Variants in TMEM182 observed in about 807,000 individuals in gnomAD.
The protein encoded by TMEM182 is transmembrane protein 182.
TMEM182 carries 20 observed loss-of-function variants against 26.8 expected under a neutral mutation model. The observed-to-expected ratio is 0.75, with a 90% confidence interval of 0.53 to 1.09. The LOEUF (loss-of-function observed/expected upper bound fraction) is 1.09. TMEM182 is among the 50% of genes least tolerant of loss of function. The pLI is 0.00. For missense variants in TMEM182, 277 were observed against 275.5 expected, an observed-to-expected ratio of 1.01 and a Z score of -0.04; for synonymous variants, 109 against 102.2, an observed-to-expected ratio of 1.07 and a Z score of -0.40.
chr2:102,738,950 A>G (rs1441340873), intron 1 of TMEM182, among the ~76,000 whole-genome samples: 1 of 152,226 alleles, frequency 6.6e-6, no homozygotes, highest in Non-Finnish European at 1.5e-5. Flanking sequence ...ATGACTTGCA[A>G]GCCTAATACT....
At chr2:102,793,848 A>G (rs1472808704) in intron 3 of TMEM182, among the ~76,000 whole-genome samples, 1 of 152,190 alleles carries the variant, frequency 6.6e-6, no homozygotes, top group Admixed American at 6.5e-5. Context: ...GAAAGAATAC[A>G]TGTTCCTATT....
chr2:102,752,067 C>G (rs1010597429), intron 1 of TMEM182, among the ~76,000 whole-genome samples: 35 of 152,104 alleles, frequency 2.3e-4, no homozygotes, highest in African/African-American at 8.4e-4. Context: ...CAAATACAGC[C>G]CCACGGGGAT....
intron 3 of TMEM182, among the ~76,000 whole-genome samples, chr2:102,782,315 A>G (rs1466902748): frequency 1.3e-5 from 2 of 152,062 alleles, no homozygotes; most frequent in Non-Finnish European, 2.9e-5. Context: ...GACAAGAGTA[A>G]AACTCCATAA....
upstream of TMEM182, chr2:102,757,266 A>C (rs1680070424): frequency 6.6e-6 from 1 of 152,244 alleles, no homozygotes; most frequent in African/African-American, 2.4e-5. Flanking sequence ...ACTTGGGAGC[A>C]CAGGGAGGAC....
In TMEM182 at chr2:102,781,660, A is replaced by G. The variant is rs188488329; in HGVS notation, c.332-16203A>G. 3.9e-5 allele frequency among the ~76,000 whole-genome samples: 6 copies of G among 152,200 alleles called. No homozygotes were observed. In the East Asian group the frequency reaches 9.7e-4, roughly 25 times the overall value. On this transcript the variant is annotated intron_variant, in intron 3 of 4. Coordinates refer to ENST00000412401, the MANE Select transcript of TMEM182 (RefSeq NM_144632.5). ...AGCTTGGGAGGCAGGAATCATGATG[A>G]ATGTTTTTTTCAGGGCAGGGAATGA...
At chr2:102,813,010 T>G (rs1363309186) in intron 4 of TMEM182, among the ~76,000 whole-genome samples, 2 of 152,216 alleles carry the variant, frequency 1.3e-5, no homozygotes, top group Non-Finnish European at 2.9e-5. Flanking sequence ...GGCTGTGGCT[T>G]TACTATTTCT....
intron 3 of TMEM182, among the ~76,000 whole-genome samples, chr2:102,832,630 A>G (rs1407436856): frequency 6.6e-6 from 1 of 152,252 alleles, no homozygotes; most frequent in Non-Finnish European, 1.5e-5. Flanking sequence ...TTAAATTATC[A>G]GATGCAGGGA....
chr2:102,823,512 T>G (rs1682968098), intron 3 of TMEM182, among the ~76,000 whole-genome samples: 1 of 152,008 alleles, frequency 6.6e-6, no homozygotes, highest in African/African-American at 2.4e-5. Flanking sequence ...TTTGTATTTT[T>G]TTAGTAGAGA....
intron 4 of TMEM182, among the ~76,000 whole-genome samples, chr2:102,809,094 TG>T (rs766027558): frequency 5.9e-4 from 90 of 152,354 alleles, no homozygotes; most frequent in Non-Finnish European, 9.7e-4. Context: ...ACAATAAACC[TG>T]GAATACTTTT....
At chr2:102,834,329 G>C in intron 3 of TMEM182, 1 of 950,722 alleles carries the variant, frequency 1.1e-6, no homozygotes, top group Non-Finnish European at 1.3e-6. Flanking sequence ...CTTAGGACTC[G>C]TCTGTTTTTT....
At chr2:102,837,620 A>G (rs982794582) in intron 3 of TMEM182, among the ~76,000 whole-genome samples, 2 of 152,130 alleles carry the variant, frequency 1.3e-5, no homozygotes, top group Non-Finnish European at 2.9e-5. Flanking sequence ...AATGTGGTTA[A>G]TAAAGTAATG....
chr2:102,738,223 G>A (rs1011365065), intron 1 of TMEM182, among the ~76,000 whole-genome samples: 1 of 152,152 alleles, frequency 6.6e-6, no homozygotes, highest in African/African-American at 2.4e-5. Flanking sequence ...TAAATACATA[G>A]CTAGGGTGAA....
chr2:102,759,481 G>A (rs1014294592), upstream of TMEM182, among the ~76,000 whole-genome samples: 4 of 152,012 alleles, frequency 2.6e-5, no homozygotes, highest in African/African-American at 7.3e-5. Flanking sequence ...CCTATATATT[G>A]TAACCTCAAT....
upstream of TMEM182, among the ~76,000 whole-genome samples, chr2:102,758,070 G>A (rs1680099356): frequency 6.6e-6 from 1 of 152,134 alleles, no homozygotes; most frequent in African/African-American, 2.4e-5. Context: ...ATATCACTCA[G>A]TGTGATAACC....
intron 3 of TMEM182, among the ~76,000 whole-genome samples, chr2:102,825,044 CATT>C (rs764097097): frequency 3.9e-5 from 6 of 152,098 alleles, no homozygotes; most frequent in Non-Finnish European, 8.8e-5. Context: ...GCTTTCATAA[CATT>C]GTTGCTTTAT....
rs575158440 is a variant in TMEM182, at chr2:102,787,359, C to T, written c.332-10504C>T. Among the ~76,000 whole-genome samples the T allele has an allele frequency of 2.8e-4, 42 of 152,310 alleles. No homozygotes were observed. The South Asian group carries it at 7.7e-3, about 28-fold the overall frequency. On this transcript the variant is annotated intron_variant, in intron 3 of 4. Coordinates refer to ENST00000412401, the MANE Select transcript of TMEM182 (RefSeq NM_144632.5). ...TGCAGATGGCTTTGTATTTTGTACTCTTGCTGGCAGAAAGAGAATGAACTC... is the reference window on the plus strand; with the variant it reads ...TGCAGATGGCTTTGTATTTTGTACTTTTGCTGGCAGAAAGAGAATGAACTC...
intron 3 of TMEM182, among the ~76,000 whole-genome samples, chr2:102,837,953 A>G (rs1257288728): frequency 6.6e-6 from 1 of 152,210 alleles, no homozygotes; most frequent in Non-Finnish European, 1.5e-5. Context: ...TTGAAAAATT[A>G]CTGAGAATTT....
chr2:102,737,001 C>A, exon 1 of TMEM182: 2 of 601,458 alleles, frequency 3.3e-6, no homozygotes, highest in East Asian at 6.0e-5. Flanking sequence ...GGACTGGGCA[C>A]ATCATCAATA....
downstream of TMEM182, among the ~76,000 whole-genome samples, chr2:102,821,116 C>T (rs1682907240): frequency 6.6e-6 from 1 of 152,236 alleles, no homozygotes; most frequent in South Asian, 2.1e-4. Flanking sequence ...TTTCCCCACT[C>T]TCATTCTGTG....
Sources: gnomAD v4.1 joint callset for allele counts (sites outside exome capture counted in the v4.1 genomes callset) on GRCh38, gnomAD v4.1.1 for gene constraint, MANE v1.5 for transcripts, NCBI Gene and HGNC (gene_info 2026-07-23, HGNC 2026-07-21) for gene names.